Variants in SGMS1 observed in about 807,000 individuals in gnomAD.
SGMS1 encodes the protein phosphatidylcholine:ceramide cholinephosphotransferase 1.
SGMS1 carries 13 observed loss-of-function variants against 46.2 expected under a neutral mutation model. The ratio of observed to expected loss-of-function variants is 0.28; its 90% confidence interval spans 0.18 to 0.45. SGMS1 has a LOEUF of 0.45. Among genes scored for constraint, SGMS1 ranks in the 20% least tolerant of loss-of-function variants. SGMS1 has a pLI of 1.00. For missense variants in SGMS1, 324 were observed against 519.9 expected (o/e 0.62, Z 3.66); for synonymous variants, 203 against 187.8 (o/e 1.08, Z -0.66).
At chr10:50,579,098 T>A (rs923574818) in intron 2 of SGMS1, among the ~76,000 whole-genome samples, 1 of 151,958 alleles carries the variant, frequency 6.6e-6, no homozygotes, top group African/African-American at 2.4e-5. Flanking sequence ...AGGAAAATGC[T>A]GTCATGAAAT....
intron 1 of SGMS1, among the ~76,000 whole-genome samples, chr10:50,613,631 C>G (rs1185592952): frequency 2.6e-5 from 4 of 152,208 alleles, no homozygotes; most frequent in Non-Finnish European, 4.4e-5. Flanking sequence ...ACAGGAGAGT[C>G]CTGATAACTA....
intron 3 of SGMS1, among the ~76,000 whole-genome samples, chr10:50,470,969 T>C (rs1397423401): frequency 3.3e-5 from 5 of 152,114 alleles, no homozygotes; most frequent in Admixed American, 6.6e-5. Flanking sequence ...CACATTGCAA[T>C]CTACTAAAAA....
upstream of SGMS1, chr10:50,625,115 C>T (rs1838910777): frequency 6.3e-6 from 6 of 956,034 alleles, no homozygotes; most frequent in African/African-American, 1.8e-5. Flanking sequence ...CCTGTACCGA[C>T]CCCTGGCTTG....
At chr10:50,571,736 A>C (rs1010544550) in intron 2 of SGMS1, among the ~76,000 whole-genome samples, 12 of 152,196 alleles carry the variant, frequency 7.9e-5, no homozygotes, top group African/African-American at 2.9e-4. Context: ...ACCAATATTT[A>C]TATATAGAAA....
intron 6 of SGMS1, among the ~76,000 whole-genome samples, chr10:50,400,334 C>G (rs1376887715): frequency 2.4e-5 from 3 of 126,964 alleles, no homozygotes; most frequent in Non-Finnish European, 5.0e-5. Context: ...ACAATAGCAC[C>G]TACACCATAG....
At chr10:50,493,587 T>A (rs1389996178) in intron 3 of SGMS1, among the ~76,000 whole-genome samples, 1 of 151,726 alleles carries the variant, frequency 6.6e-6, no homozygotes, top group African/African-American at 2.4e-5. Context: ...AGGTCTAATA[T>A]CCAGAGTCTA....
chr10:50,623,113 C>A (rs530971905), intron 1 of SGMS1, among the ~76,000 whole-genome samples: 1 of 151,698 alleles, frequency 6.6e-6, no homozygotes, highest in Admixed American at 6.6e-5. Flanking sequence ...AGAAGGGGAG[C>A]GCTCCTCGGG....
At chr10:50,430,732 G>A (rs1849395212) in intron 6 of SGMS1, among the ~76,000 whole-genome samples, 1 of 151,984 alleles carries the variant, frequency 6.6e-6, no homozygotes, top group Non-Finnish European at 1.5e-5. Context: ...TGTTTTCTGA[G>A]TATTTTATAT....
At chr10:50,471,812 C>G (rs893511028) in intron 3 of SGMS1, among the ~76,000 whole-genome samples, 1 of 152,134 alleles carries the variant, frequency 6.6e-6, no homozygotes, top group Non-Finnish European at 1.5e-5. Flanking sequence ...ATTACTAAAA[C>G]CAAACAAAAT....
In SGMS1 at chr10:50,307,830, G is replaced by C. The variant is rs1175076184; in HGVS notation, c.1062+152C>G. 5.8e-6 allele frequency: 4 copies of C among 688,748 alleles called. No individual in the cohort carries two copies. The East Asian group carries it at 1.1e-4, about 19-fold the overall frequency. 42.7% of individuals were successfully genotyped at this position (688,748 alleles called of 1,614,324 possible). Reference sequence around the variant, plus strand: ...AACTTTTTATTCTTAATTCTGAAGAGAATCAATGTCACAAAAAAACAATAC... The same window carrying C: ...AACTTTTTATTCTTAATTCTGAAGACAATCAATGTCACAAAAAAACAATAC... On this transcript the variant is annotated intron_variant, in intron 10 of 10. Coordinates refer to ENST00000361781, the MANE Select transcript of SGMS1 (RefSeq NM_147156.4). This position sits in a 1 kb window ranked among gnomAD's most constrained non-coding sequence, Gnocchi z 4.2.
At chr10:50,483,343 G>A (rs748932673) in intron 3 of SGMS1, among the ~76,000 whole-genome samples, 2 of 152,154 alleles carry the variant, frequency 1.3e-5, no homozygotes, top group Non-Finnish European at 2.9e-5. Context: ...GCCCCACAAG[G>A]TGCTGGGATT....
At chr10:50,395,127 G>A (rs564685776) in intron 6 of SGMS1, among the ~76,000 whole-genome samples, 1 of 152,142 alleles carries the variant, frequency 6.6e-6, no homozygotes, top group African/African-American at 2.4e-5. Context: ...TGCCCTCTCT[G>A]ATCATACTGA....
intron 6 of SGMS1, among the ~76,000 whole-genome samples, chr10:50,428,929 A>G (rs774059850): frequency 2.0e-5 from 3 of 152,224 alleles, no homozygotes; most frequent in Non-Finnish European, 4.4e-5. Context: ...CACCTTAAAC[A>G]TGCTCAGAAC....
intron 1 of SGMS1, among the ~76,000 whole-genome samples, chr10:50,604,278 C>T (rs934256189): frequency 5.3e-5 from 8 of 152,064 alleles, no homozygotes; most frequent in Non-Finnish European, 8.8e-5. Flanking sequence ...TGAGCCTGCA[C>T]GTAACAGGCT....
Position 50,459,749 on chromosome 10 carries a change from A to C in SGMS1, c.-313+924T>G, listed in dbSNP as rs144182372. Among the ~76,000 whole-genome samples the C allele has an allele frequency of 9.4e-4, 143 of 152,340 alleles. 1 individual carries two copies. The highest frequency in any genetic ancestry group is 3.4e-3 in the African/African-American group (140 of 41,580). On this transcript the variant is annotated intron_variant, in intron 5 of 10. Transcript: ENST00000361781. ...CTCTGCTTCAAAAAGGGAATACAGC[A>C]GGGCATACTATTTCTATGGTACACA...
Position 50,526,341 on chromosome 10 carries a change from A to G in SGMS1, c.-588-6420T>C, listed in dbSNP as rs187242136. Among the ~76,000 whole-genome samples the G allele has an allele frequency of 1.1e-3, 170 of 152,254 alleles. 1 individual carries two copies. The highest frequency in any genetic ancestry group is 3.8e-3 in the African/African-American group (156 of 41,556). On this transcript the variant is annotated intron_variant, in intron 2 of 10. Transcript: ENST00000361781. ...TCAGATGTCATGAGAACTCACTATC[A>G]TGAGAACAGCATGGGGGATATCTGC...
chr10:50,428,650 A>G (rs1354814423), intron 6 of SGMS1, among the ~76,000 whole-genome samples: 1 of 152,216 alleles, frequency 6.6e-6, no homozygotes, highest in Non-Finnish European at 1.5e-5. Context: ...CTATCTTTAC[A>G]ACTATCCTAG....
At chr10:50,448,751 A>AT (rs1837059873) in intron 5 of SGMS1, among the ~76,000 whole-genome samples, 1 of 132,346 alleles carries the variant, frequency 7.6e-6, no homozygotes, top group Non-Finnish European at 1.6e-5. Context: ...CCAAAAAAAA[A>AT]AAAAAAAAAA....
intron 2 of SGMS1, among the ~76,000 whole-genome samples, chr10:50,554,599 C>A (rs1440873645): frequency 6.6e-6 from 1 of 152,218 alleles, no homozygotes; most frequent in Admixed American, 6.5e-5. Flanking sequence ...CAGGAGCAGG[C>A]TGCAGCCACC....
Sources: allele counts gnomAD v4.1 joint callset (sites outside exome capture counted in the v4.1 genomes callset), GRCh38; gene constraint gnomAD v4.1.1; non-coding constraint Gnocchi (gnomAD v3.1); transcripts MANE v1.5; gene names NCBI Gene and HGNC (gene_info 2026-07-23, HGNC 2026-07-21).